Variants in KLHL31 observed in about 807,000 individuals in gnomAD.
The protein encoded by KLHL31 is kelch like family member 31, also known as kelch-like protein 31.
KLHL31 carries 32 observed loss-of-function variants against 47.1 expected under a neutral mutation model. That is an observed-to-expected ratio of 0.68 (90% CI 0.51 to 0.91). The LOEUF (loss-of-function observed/expected upper bound fraction) is 0.91, where lower values mean the gene tolerates loss of function less well. Ranked by LOEUF, KLHL31 falls within the 40% of genes least tolerant of loss-of-function variation. The pLI, the probability that KLHL31 is intolerant of heterozygous loss-of-function variation, is 0.00. For synonymous variants in KLHL31, 330 were observed against 325.1 expected (o/e 1.01, Z -0.16); for missense variants, 797 against 819.3 (o/e 0.97, Z 0.33).
At position 53,651,820 on chromosome 6, in the gene KLHL31, C is replaced by G. The variant is rs141932151; in HGVS notation, c.1683G>C (p.Ser561=). Residue 561 remains serine, a synonymous_variant, in exon 3 of 3, where the codon TCG becomes TCC. Transcript: ENST00000370905. ...LQVGVSTAGV[S]ALHGRAYLVG... is the part of the protein sequence containing the mutation. ...CCAGGTAGGCGCGGCCATGCAGCGC[C>G]GAGACGCCCGCAGTGCTCACTCCCA... 2 of 1,610,624 alleles carry G rather than the reference C, an allele frequency of 1.2e-6. No homozygotes were observed. Among genetic ancestry groups the G allele is most frequent in the South Asian group, 2.2e-5 (2 of 91,064 alleles).
At position 53,651,605 on chromosome 6, in the gene KLHL31, C is replaced by T; in HGVS notation, c.1898G>A (p.Ser633Asn). 6.2e-7 allele frequency: 1 copy of T among 1,610,710 alleles called. No homozygotes were observed. Among genetic ancestry groups the T allele is most frequent in the Non-Finnish European group, 8.5e-7 (1 of 1,177,322 alleles). The change falls in exon 3 of 3, where the codon AGT becomes AAT. Residue 633 changes from serine to asparagine, a missense_variant. Transcript: ENST00000370905. The stretch of plus-strand genomic sequence containing the variant: ...CCCTGCATCTACCTGGGCTCAGATA[C>T]TGACTGGCACAGAAGATACCGAACT... Reference protein sequence around the residue: ...RASSVSSVPVSI With the variant: ...RASSVSSVPVNI
chr6:53,664,764 A>G (rs1385764732), intron 1 of KLHL31, among the ~76,000 whole-genome samples: 3 of 152,144 alleles, frequency 2.0e-5, no homozygotes, highest in African/African-American at 7.2e-5. Context: ...GGGATCCCAG[A>G]ATGTCTTTTT....
In KLHL31 at chr6:53,654,277, A is replaced by G. The variant is rs1764520105; in HGVS notation, c.996T>C (p.Leu332=). 1.9e-6 allele frequency: 3 copies of G among 1,614,182 alleles called. No individual in the cohort carries two copies. The African/African-American group carries it at 4.0e-5, about 22-fold the overall frequency. Residue 332 remains leucine (L), a synonymous_variant, in exon 2 of 3, where the codon CTT becomes CTC. Coordinates refer to ENST00000370905, the MANE Select transcript of KLHL31 (RefSeq NM_001003760.5). ...GGTCTCTATACAAGATGTCTCTGCT[A>G]AGGGACTTCTCAGTAAGGCCTGGGC... ...GGRPGLTEKS[L]SRDILYRDPE... is the part of the protein sequence containing the mutation.
intron 1 of KLHL31, among the ~76,000 whole-genome samples, chr6:53,659,969 T>A (rs1327111833): frequency 6.6e-6 from 1 of 152,220 alleles, no homozygotes; most frequent in African/African-American, 2.4e-5. Context: ...GTTCCACCCA[T>A]GGGAACTTCC....
rs749566102 is a variant in KLHL31, at chr6:53,654,862, C to G, written c.411G>C (p.Leu137Phe). Residue 137 changes from leucine (L) to phenylalanine (F), a missense_variant, in exon 2 of 3, where the codon TTG becomes TTC. Physicochemically the swap from Leu to Phe is conservative, Grantham distance 22. Coordinates refer to ENST00000370905, the MANE Select transcript of KLHL31 (RefSeq NM_001003760.5). ...YAYTGKLTLS[L>F]YTIGSIISAA... ...CAGAAATAATGCTTCCTATTGTATACAAGGAGAGAGTGAGCTTTCCAGTGT... is the reference window on the plus strand; with the variant it reads ...CAGAAATAATGCTTCCTATTGTATAGAAGGAGAGAGTGAGCTTTCCAGTGT... The G allele has an allele frequency of 1.2e-6, 2 of 1,614,134 alleles. No individual in the cohort carries two copies. Among genetic ancestry groups the G allele is most frequent in the Non-Finnish European group, 1.7e-6 (2 of 1,180,012 alleles).
chr6:53,660,975 C>A (rs1326879777), intron 1 of KLHL31, among the ~76,000 whole-genome samples: 2 of 152,138 alleles, frequency 1.3e-5, no homozygotes, highest in African/African-American at 4.8e-5. Flanking sequence ...ATCTACCCAC[C>A]CAAGTGTTCT....
At position 53,649,454 on chromosome 6, in the gene KLHL31, C is replaced by T. The variant is rs1376237437; in HGVS notation, c.*2144G>A. The stretch of plus-strand genomic sequence containing the variant: ...GTAATTTTAAATGATTTATCCAGCA[C>T]TAACATGTCTCCAGTTTCATCTCTA... On this transcript the variant is annotated 3_prime_UTR_variant, in exon 3 of 3. Coordinates refer to ENST00000370905, the MANE Select transcript of KLHL31 (RefSeq NM_001003760.5). 1.3e-5 allele frequency: 2 copies of T among 152,128 alleles called. No individual in the cohort carries two copies. Among genetic ancestry groups the T allele is most frequent in the Non-Finnish European group, 2.9e-5 (2 of 67,976 alleles). The allele number at this position is 152,128 out of a possible 1,614,324, so 9.4% of individuals were successfully genotyped here.
In KLHL31 at chr6:53,650,414, G is replaced by A. The variant is rs1764447386; in HGVS notation, c.*1184C>T. 6.6e-6 allele frequency: 1 copy of A among 152,110 alleles called. No individual in the cohort carries two copies. The highest frequency in any genetic ancestry group is 6.5e-5 in the Admixed American group (1 of 15,268). 9.4% of individuals were successfully genotyped at this position (152,110 alleles called of 1,614,324 possible). ...GATTAATAAAAATAGGACAGAATGA[G>A]TATATATTTTTATATACGTGAGATG... is the stretch of plus-strand genomic sequence containing the variant. On this transcript the variant is annotated 3_prime_UTR_variant, in exon 3 of 3. Transcript: ENST00000370905.
At chr6:53,664,554 G>T (rs1261745855) in intron 1 of KLHL31, among the ~76,000 whole-genome samples, 1 of 152,152 alleles carries the variant, frequency 6.6e-6, no homozygotes, top group Non-Finnish European at 1.5e-5. Context: ...TGAAAGTATT[G>T]CACTTAAATT....
Position 53,654,693 on chromosome 6 carries a change from A to G in KLHL31, c.580T>C (p.Phe194Leu), listed in dbSNP as rs765012914. 18 of 1,614,152 alleles carry G rather than the reference A, an allele frequency of 1.1e-5. No homozygotes were observed. Among genetic ancestry groups the G allele is most frequent in the Non-Finnish European group, 1.5e-5 (18 of 1,180,026 alleles). Residue 194 changes from phenylalanine to leucine, a missense_variant, in exon 2 of 3, where the codon TTT becomes CTT. Coordinates refer to ENST00000370905, the MANE Select transcript of KLHL31 (RefSeq NM_001003760.5). ...LKNAKAAAQKFIRDNFLEFAE... is the reference protein window; with the variant it reads ...LKNAKAAAQKLIRDNFLEFAE... ...AATTCAAGGAAGTTATCCCGAATAA[A>G]TTTCTGGGCTGCTGCTTTTGCATTT...
intron 1 of KLHL31, among the ~76,000 whole-genome samples, chr6:53,664,363 G>A (rs1015433296): frequency 1.3e-5 from 2 of 152,308 alleles, no homozygotes; most frequent in South Asian, 4.1e-4. Flanking sequence ...GAGTCCATGA[G>A]TCCTGCGGAA....
Position 53,655,186 on chromosome 6 carries a change from T to A in KLHL31, c.87A>T (p.Lys29Asn), listed in dbSNP as rs765728159. The change falls in exon 2 of 3, where the codon AAA (lysine) becomes AAT (asparagine). Residue 29 changes from lysine to asparagine, a missense_variant. Coordinates refer to ENST00000370905, the MANE Select transcript of KLHL31 (RefSeq NM_001003760.5). ...TIIVEDSPLN[K>N]LNALNGLLEG... ...CTAGGAGCCCATTCAAAGCATTCAG[T>A]TTGTTTAGGGGGCTATCTTCTACGA... is the stretch of plus-strand genomic sequence containing the variant. 3.0e-5 allele frequency: 48 copies of A among 1,613,910 alleles called. No individual in the cohort carries two copies. The Admixed American group carries it at 7.8e-4, about 26-fold the overall frequency.
Position 53,654,852 on chromosome 6 carries a change from C to G in KLHL31, c.421G>C (p.Gly141Arg). The G allele has an allele frequency of 6.2e-7, 1 of 1,614,002 alleles. No homozygotes were observed. Among genetic ancestry groups the G allele is most frequent in the East Asian group, 2.2e-5 (1 of 44,898 alleles). ...TAAACAGCAGCAGAAATAATGCTTC[C>G]TATTGTATACAAGGAGAGAGTGAGC... ...GKLTLSLYTI[G>R]SIISAAVYLQ... is the part of the protein sequence containing the mutation. Residue 141 changes from glycine to arginine, a missense_variant, in exon 2 of 3, where the codon GGA becomes CGA. Coordinates refer to ENST00000370905, the MANE Select transcript of KLHL31 (RefSeq NM_001003760.5).
chr6:53,661,843 A>G (rs1465966881), intron 1 of KLHL31, among the ~76,000 whole-genome samples: 1 of 152,238 alleles, frequency 6.6e-6, no homozygotes. Context: ...AATGAGTTAC[A>G]TGTGTGTGTT....
Position 53,649,488 on chromosome 6 carries a change from C to T in KLHL31, c.*2110G>A, listed in dbSNP as rs1764436318. Reference sequence around the variant, plus strand: ...CTCCAGTTTCATCTCTAGAAAGCCACTGCCAAGTTTTTGCACAACCTAATT... The same window carrying T: ...CTCCAGTTTCATCTCTAGAAAGCCATTGCCAAGTTTTTGCACAACCTAATT... On this transcript the variant is annotated 3_prime_UTR_variant, in exon 3 of 3. Coordinates refer to ENST00000370905, the MANE Select transcript of KLHL31 (RefSeq NM_001003760.5). 1 of 152,160 alleles carries T rather than the reference C, an allele frequency of 6.6e-6. No homozygotes were observed. The highest frequency in any genetic ancestry group is 2.1e-4 in the South Asian group (1 of 4,828). The allele number at this position is 152,160 out of a possible 1,614,324, so 9.4% of individuals were successfully genotyped here.
chr6:53,655,896 T>C (rs1272269784), intron 1 of KLHL31, among the ~76,000 whole-genome samples: 4 of 152,152 alleles, frequency 2.6e-5, no homozygotes, highest in Non-Finnish European at 1.5e-5. Context: ...TGTGAGCCAC[T>C]ATACCCAACC....
rs373411637 is a variant in KLHL31, at chr6:53,654,702, C to G, written c.571G>C (p.Ala191Pro). 6.2e-7 allele frequency: 1 copy of G among 1,614,060 alleles called. No homozygotes were observed. The highest frequency in any genetic ancestry group is 8.5e-7 in the Non-Finnish European group (1 of 1,180,040). Residue 191 changes from alanine (A) to proline (P), a missense_variant, in exon 2 of 3, where the codon GCC becomes CCC. By Grantham distance (27) the Ala-to-Pro change is conservative (BLOSUM62 -1). Transcript: ENST00000370905. ...TYSLKNAKAA[A>P]QKFIRDNFLE... ...AAGTTATCCCGAATAAATTTCTGGG[C>G]TGCTGCTTTTGCATTTTTTAGGGAG...
intron 1 of KLHL31, among the ~76,000 whole-genome samples, chr6:53,663,668 T>C (rs1296566214): frequency 1.3e-5 from 2 of 152,252 alleles, no homozygotes; most frequent in African/African-American, 2.4e-5. Context: ...AATTCTATTC[T>C]CTAAGGCTGT....
At position 53,654,337 on chromosome 6, in the gene KLHL31, T is replaced by C. The variant is rs781321675; in HGVS notation, c.936A>G (p.Arg312=). 2.3e-5 allele frequency: 37 copies of C among 1,614,080 alleles called. No individual in the cohort carries two copies. The highest frequency in any genetic ancestry group is 1.9e-4 in the South Asian group (17 of 91,090). The change falls in exon 2 of 3, where the codon CGA becomes CGG. Residue 312 remains arginine, a synonymous_variant. Transcript: ENST00000370905. ...NTLQSRRTRI[R]GGCRVLVTVG... ...CAGTGACGAGGACTCGGCAGCCACC[T>C]CGGATTCTTGTTCGCCTAGATTGCA...
Sources: gnomAD v4.1 joint callset for allele counts (sites outside exome capture counted in the v4.1 genomes callset) on GRCh38, gnomAD v4.1.1 for gene constraint, MANE v1.5 for transcripts, NCBI Gene and HGNC (gene_info 2026-07-23, HGNC 2026-07-21) for gene names.